TRIO: variants seen among roughly 807,000 people sequenced by gnomAD.
The protein encoded by TRIO is triple functional domain protein.
A neutral mutation model predicts 351.9 loss-of-function variants in TRIO; 58 were observed. The ratio of observed to expected loss-of-function variants is 0.16; its 90% CI spans 0.13 to 0.21. The LOEUF (loss-of-function observed/expected upper bound fraction) is 0.21. Ranked by LOEUF, TRIO falls within the 10% of genes least tolerant of loss-of-function variation. The pLI is 1.00. For missense variants in TRIO, 3,201 were observed against 4,027.8 expected, an observed-to-expected ratio of 0.79 and a Z score of 5.56; for synonymous variants, 1,758 against 1,595.7, an observed-to-expected ratio of 1.10 and a Z score of -2.42.
intron 10 of TRIO, among the ~76,000 whole-genome samples, chr5:14,333,163 G>A (rs1741063483): frequency 6.6e-6 from 1 of 152,058 alleles, no homozygotes; most frequent in African/African-American, 2.4e-5. Flanking sequence ...ACTTCACCTC[G>A]CTAAAACCCT....
chr5:14,498,107 T>C lies in TRIO; in HGVS notation c.8066T>C (p.Ile2689Thr), dbSNP rs142582947. Reference protein sequence around the residue: ...YIYDVPPEFVIPLSEVTCETG... With the variant: ...YIYDVPPEFVTPLSEVTCETG... ...CATGCAGTTCCCCCAGAATTCGTCATTCCATTGAGTGAGGTCACGTGTGAG... is the reference window on the plus strand; with the variant it reads ...CATGCAGTTCCCCCAGAATTCGTCACTCCATTGAGTGAGGTCACGTGTGAG... The change falls in exon 52 of 57, where the codon ATT (isoleucine) becomes ACT (threonine). Residue 2689 changes from isoleucine (I) to threonine (T), a missense_variant. Physicochemically the swap from Ile to Thr is moderately conservative, Grantham distance 89 (BLOSUM62 -1). Around this residue, in one of 19 missense-constraint regions of TRIO, gnomAD observed 1,089 missense variants for 954.9 expected, o/e 1.14. Transcript: ENST00000344204. 96 of 1,614,072 alleles carry C rather than the reference T, an allele frequency of 5.9e-5. No homozygotes were observed. The highest frequency in any genetic ancestry group is 7.5e-5 in the Non-Finnish European group (88 of 1,180,042).
chr5:14,506,994 G>A (rs1245772050), intron 55 of TRIO, 128 bp from the exon 56 acceptor site: 9 of 1,301,026 alleles, frequency 6.9e-6, no homozygotes, highest in East Asian at 2.8e-5. Flanking sequence ...CGCCTTAGAG[G>A]CACGGCCCTG....
At chr5:14,475,383 G>A (rs529293734) in intron 40 of TRIO, among the ~76,000 whole-genome samples, 1 of 152,296 alleles carries the variant, frequency 6.6e-6, no homozygotes, top group African/African-American at 2.4e-5. Flanking sequence ...TTAGGCCTGG[G>A]TGTTCCCCAT....
rs943224700 is a variant in TRIO, at chr5:14,497,553, G to C, written c.8020-294G>C. On this transcript the variant is annotated intron_variant, in intron 50 of 56. Transcript: ENST00000344204. This position sits in a 1 kb window ranked among gnomAD's most constrained non-coding sequence, Gnocchi z 4.4. ...GACTCTGAGCGCCAGGGGCCAGGGC[G>C]TTGGCGGCTCTGCATTAGGAACGCA... is the stretch of plus-strand genomic sequence containing the variant. Among the ~76,000 whole-genome samples the C allele has an allele frequency of 1.3e-5, 2 of 152,174 alleles. No individual in the cohort carries two copies. The highest frequency in any genetic ancestry group is 4.8e-5 in the African/African-American group (2 of 41,440).
intron 41 of TRIO, chr5:14,477,178 T>A (rs921288588): frequency 1.5e-5 from 8 of 523,190 alleles, no homozygotes; most frequent in African/African-American, 1.3e-4. Flanking sequence ...GCTATTTGGC[T>A]AGCAACAGTA....
chr5:14,156,419 G>A (rs748275257), intron 1 of TRIO, among the ~76,000 whole-genome samples: 25 of 152,168 alleles, frequency 1.6e-4, no homozygotes, highest in Non-Finnish European at 1.0e-4. Flanking sequence ...GTGTATGCGT[G>A]TATGTGTGTG....
chr5:14,248,205 A>G (rs1261976581), intron 1 of TRIO, among the ~76,000 whole-genome samples: 1 of 152,200 alleles, frequency 6.6e-6, no homozygotes, highest in Admixed American at 6.5e-5. Context: ...TTGGTAATGC[A>G]CCAAGTTAAA....
chr5:14,352,773 G>A (rs1420686356), intron 11 of TRIO, among the ~76,000 whole-genome samples: 3 of 152,210 alleles, frequency 2.0e-5, no homozygotes, highest in African/African-American at 4.8e-5. Context: ...CCCAGGATCA[G>A]TTCCTTCACG....
chr5:14,375,189 G>T (rs1017797650), intron 19 of TRIO, among the ~76,000 whole-genome samples: 1 of 152,096 alleles, frequency 6.6e-6, no homozygotes, highest in African/African-American at 2.4e-5. Context: ...TTATTGATGG[G>T]CTTTTTCTTC....
At chr5:14,288,202 T>C (rs1736602834) in intron 4 of TRIO, among the ~76,000 whole-genome samples, 1 of 152,240 alleles carries the variant, frequency 6.6e-6, no homozygotes, top group Non-Finnish European at 1.5e-5. Flanking sequence ...TATTTAATTA[T>C]AAGTGTTTTA....
chr5:14,179,615 T>A (rs927756802), intron 1 of TRIO, among the ~76,000 whole-genome samples: 39 of 151,980 alleles, frequency 2.6e-4, no homozygotes, highest in Non-Finnish European at 4.4e-4. Flanking sequence ...TTTTTGATTT[T>A]TTTTTTTTCT....
chr5:14,500,618 G>A (rs1430368006), intron 53 of TRIO, among the ~76,000 whole-genome samples: 1 of 152,196 alleles, frequency 6.6e-6, no homozygotes, highest in Non-Finnish European at 1.5e-5. Context: ...GGGGCCAGGT[G>A]CAGTGGCTCA....
At chr5:14,471,237 T>G (rs892455564) in intron 37 of TRIO, 81 bp from the exon 38 acceptor site, 4 of 1,421,874 alleles carry the variant, frequency 2.8e-6, no homozygotes, top group Non-Finnish European at 3.8e-6. Flanking sequence ...ATTTTCTGAC[T>G]TTGGGTATTT....
At chr5:14,208,550 G>A (rs989823162) in intron 1 of TRIO, among the ~76,000 whole-genome samples, 1 of 152,264 alleles carries the variant, frequency 6.6e-6, no homozygotes, top group Non-Finnish European at 1.5e-5. Context: ...ACATTTCAGA[G>A]CGAAGAAAGT....
chr5:14,432,984 C>T (rs1751299500), intron 34 of TRIO, among the ~76,000 whole-genome samples: 1 of 152,190 alleles, frequency 6.6e-6, no homozygotes, highest in South Asian at 2.1e-4. Context: ...CAAGAGTTAG[C>T]TACATGGCTC....
intron 1 of TRIO, among the ~76,000 whole-genome samples, chr5:14,240,663 C>T (rs1794073732): frequency 6.6e-6 from 1 of 152,204 alleles, no homozygotes; most frequent in East Asian, 1.9e-4. Flanking sequence ...CATCAGAAGA[C>T]TTGCTGCCTT....
intron 1 of TRIO, among the ~76,000 whole-genome samples, chr5:14,199,179 G>A (rs1259418585): frequency 2.0e-5 from 2 of 102,338 alleles, no homozygotes; most frequent in Admixed American, 1.6e-4. Flanking sequence ...TCCAGCCTGG[G>A]CAACAGAGTG....
chr5:14,238,761 G>A (rs1299474669), intron 1 of TRIO, among the ~76,000 whole-genome samples: 1 of 152,200 alleles, frequency 6.6e-6, no homozygotes, highest in Non-Finnish European at 1.5e-5. Flanking sequence ...AAAGGCCCTG[G>A]TGGGGGGTGC....
At chr5:14,460,968 A>T in intron 34 of TRIO, 51 bp from the exon 35 acceptor site, 1 of 1,465,924 alleles carries the variant, frequency 6.8e-7, no homozygotes, top group Non-Finnish European at 9.1e-7. Context: ...TGGTCTTCAC[A>T]CCGGAGGGTC....
Sources: gnomAD v4.1 joint callset for allele counts (sites outside exome capture counted in the v4.1 genomes callset) on GRCh38, gnomAD v4.1.1 for gene constraint, gnomAD v4.1.1 regional missense constraint, Gnocchi (gnomAD v3.1) non-coding constraint, MANE v1.5 for transcripts, NCBI Gene and HGNC (gene_info 2026-07-23, HGNC 2026-07-21) for gene names.